Variants in DOCK1 observed in about 807,000 individuals in gnomAD.
DOCK1 encodes dedicator of cytokinesis protein 1.
A neutral mutation model predicts 262.7 loss-of-function variants in DOCK1; 138 were observed. That is an observed-to-expected ratio of 0.53 (90% CI 0.46 to 0.61). The LOEUF (loss-of-function observed/expected upper bound fraction) is 0.61. Ranked by LOEUF, DOCK1 falls within the 20% of genes least tolerant of loss-of-function variation. DOCK1 has a pLI of 0.00. For synonymous variants in DOCK1, 866 were observed against 867.4 expected (o/e 1.00, Z 0.03); for missense variants, 1,908 against 2,370.7 (o/e 0.80, Z 4.05).
chr10:127,262,102 C>A (rs538480858), intron 29 of DOCK1, among the ~76,000 whole-genome samples: 1 of 106,558 alleles, frequency 9.4e-6, no homozygotes, highest in Admixed American at 1.0e-4. Context: ...CCGTGCTCCT[C>A]TGTGTGCATG....
chr10:127,020,319 A>G (rs1270979308), intron 13 of DOCK1, among the ~76,000 whole-genome samples: 2 of 152,186 alleles, frequency 1.3e-5, no homozygotes, highest in Non-Finnish European at 2.9e-5. Context: ...CATCCTTAGG[A>G]TGTCCTCATG....
chr10:127,447,530 C>T lies in DOCK1; in HGVS notation c.5550C>T (p.Pro1850=), dbSNP rs767534471. 1.2e-6 allele frequency: 2 copies of T among 1,613,884 alleles called. No individual in the cohort carries two copies. Among genetic ancestry groups the T allele is most frequent in the East Asian group, 4.5e-5 (2 of 44,858 alleles). ...DLLGSPTPPP[P]PPHQRHLPPP... ...TGGGCTCGCCAACACCTCCACCTCCCCCTCCACACCAGAGGGTAAGTCGGC... is the reference window on the plus strand; with the variant it reads ...TGGGCTCGCCAACACCTCCACCTCCTCCTCCACACCAGAGGGTAAGTCGGC... The change falls in exon 51 of 52, where the codon CCC becomes CCT. Residue 1850 remains proline, a synonymous_variant. Coordinates refer to ENST00000623213, the MANE Select transcript of DOCK1 (RefSeq NM_001290223.2).
intron 29 of DOCK1, among the ~76,000 whole-genome samples, chr10:127,280,630 A>G (rs1193815999): frequency 6.6e-6 from 1 of 152,160 alleles, no homozygotes. Flanking sequence ...ACATCAGAGA[A>G]TTCTGGGCAT....
chr10:126,936,250 G>T (rs2034551076), intron 1 of DOCK1, among the ~76,000 whole-genome samples: 1 of 152,176 alleles, frequency 6.6e-6, no homozygotes, highest in Non-Finnish European at 1.5e-5. Flanking sequence ...CCTCCCAAAG[G>T]ATTGGGATTG....
At chr10:127,410,255 A>C (rs2067764273) in intron 42 of DOCK1, among the ~76,000 whole-genome samples, 1 of 152,104 alleles carries the variant, frequency 6.6e-6, no homozygotes, top group South Asian at 2.1e-4. Context: ...TTTTTTTCAG[A>C]GGCCTTAAGC....
At chr10:127,255,243 T>TA (rs962302507) in intron 28 of DOCK1, among the ~76,000 whole-genome samples, 7 of 151,656 alleles carry the variant, frequency 4.6e-5, no homozygotes, top group South Asian at 2.1e-4. Context: ...CTACTAAAAA[T>TA]AAAAAAACTA....
intron 1 of DOCK1, among the ~76,000 whole-genome samples, chr10:126,942,584 A>C (rs1473913407): frequency 6.6e-6 from 1 of 152,246 alleles, no homozygotes; most frequent in South Asian, 2.1e-4. Context: ...AGTTTCCTTA[A>C]TGGAACGAGC....
At chr10:127,281,859 G>A (rs2060974013) in intron 29 of DOCK1, among the ~76,000 whole-genome samples, 1 of 152,238 alleles carries the variant, frequency 6.6e-6, no homozygotes, top group South Asian at 2.1e-4. Flanking sequence ...CATGGTACAG[G>A]GAGGCAGGGA....
intron 23 of DOCK1, among the ~76,000 whole-genome samples, chr10:127,079,571 T>C (rs2046777790): frequency 6.6e-6 from 1 of 152,226 alleles, no homozygotes; most frequent in Admixed American, 6.5e-5. Context: ...AGTCAGTCTT[T>C]AGAAGTGTTG....
intron 47 of DOCK1, among the ~76,000 whole-genome samples, chr10:127,427,280 C>T (rs1356235765): frequency 6.6e-6 from 1 of 152,202 alleles, no homozygotes; most frequent in Non-Finnish European, 1.5e-5. Context: ...ACGGCACTTT[C>T]CTCTGCTCCT....
intron 30 of DOCK1, among the ~76,000 whole-genome samples, chr10:127,342,610 CCTTA>C (rs1032288856): frequency 2.4e-4 from 36 of 152,170 alleles, no homozygotes; most frequent in African/African-American, 8.0e-4. Context: ...TTAAATTTCC[CCTTA>C]CTTCTCAGGT....
intron 33 of DOCK1, among the ~76,000 whole-genome samples, chr10:127,364,138 C>T (rs2064756528): frequency 2.0e-5 from 3 of 152,152 alleles, no homozygotes; most frequent in Admixed American, 6.5e-5. Flanking sequence ...TCTGCAGGAC[C>T]ATGGGGCCCA....
intron 37 of DOCK1, among the ~76,000 whole-genome samples, chr10:127,383,456 TAA>T (rs949454711): frequency 2.6e-4 from 39 of 152,348 alleles, no homozygotes; most frequent in African/African-American, 8.9e-4. Flanking sequence ...ACTTCAAAGT[TAA>T]AGAGTTTGTC....
At chr10:127,312,597 C>A (rs2720986) in intron 29 of DOCK1, among the ~76,000 whole-genome samples, 17,485 of 152,158 alleles carry the variant, frequency 0.11, 1,358 homozygotes, top group African/African-American at 0.21. Context: ...CTGTCCTTAC[C>A]CCCGGGCTTG....
At chr10:126,949,989 A>G (rs1446348452) in intron 1 of DOCK1, among the ~76,000 whole-genome samples, 2 of 151,854 alleles carry the variant, frequency 1.3e-5, no homozygotes, top group African/African-American at 4.8e-5. Context: ...TAGCCCCCCA[A>G]AGCAGGTTTC....
At chr10:127,327,634 C>T (rs1359379532) in intron 29 of DOCK1, among the ~76,000 whole-genome samples, 1 of 152,164 alleles carries the variant, frequency 6.6e-6, no homozygotes, top group African/African-American at 2.4e-5. Context: ...GAAGATCCTT[C>T]GGAGACCTCT....
intron 40 of DOCK1, among the ~76,000 whole-genome samples, chr10:127,406,303 G>C (rs1024688855): frequency 6.6e-6 from 1 of 152,174 alleles, no homozygotes. Flanking sequence ...TGCAGCTCCC[G>C]AGCCAATAGA....
At chr10:126,917,271 A>G (rs1189160806) in intron 1 of DOCK1, among the ~76,000 whole-genome samples, 1 of 152,238 alleles carries the variant, frequency 6.6e-6, no homozygotes, top group African/African-American at 2.4e-5. Flanking sequence ...AATGAATTAC[A>G]GAAATCTCTT....
Position 127,175,267 on chromosome 10 carries a change from T to C in DOCK1, c.2847+47503T>C, listed in dbSNP as rs2054977293. On this transcript the variant is annotated intron_variant, in intron 27 of 51. Transcript: ENST00000623213. The surrounding 1 kb of genome is among the most constrained non-coding windows in gnomAD (Gnocchi z 6.3). ...TCCTGAATGACCCCCAAGAGCACTT[T>C]GATGGTTTCTTGGCTTGAACTGATC... The C allele has an allele frequency of 6.2e-7, 1 of 1,614,060 alleles. No individual in the cohort carries two copies. The highest frequency in any genetic ancestry group is 8.5e-7 in the Non-Finnish European group (1 of 1,180,046).
Sources: gnomAD v4.1 joint callset for allele counts (sites outside exome capture counted in the v4.1 genomes callset) on GRCh38, gnomAD v4.1.1 for gene constraint, Gnocchi (gnomAD v3.1) non-coding constraint, MANE v1.5 for transcripts, NCBI Gene and HGNC (gene_info 2026-07-23, HGNC 2026-07-21) for gene names.